Variants in KCNH7 observed in about 807,000 individuals in gnomAD.
The protein encoded by KCNH7 is voltage-gated inwardly rectifying potassium channel KCNH7.
KCNH7 carries 49 observed loss-of-function variants against 120.8 expected under a neutral mutation model. The observed-to-expected ratio is 0.41, with a 90% CI of 0.32 to 0.51. KCNH7 has a LOEUF of 0.51. Ranked by LOEUF, KCNH7 falls within the 20% of genes least tolerant of loss-of-function variation. The probability of loss-of-function intolerance (pLI) is 0.38; values close to 1 mark genes in which losing one functional copy is unlikely to be tolerated. For synonymous variants in KCNH7, 547 were observed against 516.1 expected (o/e 1.06, Z -0.81); for missense variants, 1,097 against 1,446.6 (o/e 0.76, Z 3.92).
At chr2:162,536,618 T>A (rs936870230) in intron 3 of KCNH7, among the ~76,000 whole-genome samples, 1 of 151,828 alleles carries the variant, frequency 6.6e-6, no homozygotes, top group Non-Finnish European at 1.5e-5. Context: ...CATATGAAAA[T>A]ACATAAGCAG....
intron 2 of KCNH7, among the ~76,000 whole-genome samples, chr2:162,593,383 G>T (rs1694277109): frequency 6.6e-6 from 1 of 152,086 alleles, no homozygotes; most frequent in Non-Finnish European, 1.5e-5. Context: ...CTCTTGAAGA[G>T]TAGGGATATT....
At chr2:162,812,696 G>A (rs568757146) in intron 2 of KCNH7, among the ~76,000 whole-genome samples, 5 of 152,232 alleles carry the variant, frequency 3.3e-5, no homozygotes, top group African/African-American at 1.2e-4. Flanking sequence ...TGAAGAAACA[G>A]TTCTACAGGT....
chr2:162,392,260 T>G (rs1298797372), intron 12 of KCNH7, among the ~76,000 whole-genome samples: 2 of 151,638 alleles, frequency 1.3e-5, no homozygotes, highest in Non-Finnish European at 2.9e-5. Flanking sequence ...ATGAAACTGG[T>G]GTGGTATGAA....
intron 2 of KCNH7, among the ~76,000 whole-genome samples, chr2:162,593,271 G>A (rs902484004): frequency 6.6e-6 from 1 of 152,040 alleles, no homozygotes; most frequent in Non-Finnish European, 1.5e-5. Flanking sequence ...AATTTGCTTT[G>A]CTTCAATCAA....
intron 2 of KCNH7, among the ~76,000 whole-genome samples, chr2:162,551,430 A>G (rs1692663468): frequency 6.6e-6 from 1 of 152,158 alleles, no homozygotes; most frequent in Admixed American, 6.5e-5. Context: ...GAATTGGAAA[A>G]CCTAGCAAGA....
intron 9 of KCNH7, among the ~76,000 whole-genome samples, chr2:162,418,083 G>T (rs1340823034): frequency 6.6e-6 from 1 of 152,130 alleles, no homozygotes; most frequent in Non-Finnish European, 1.5e-5. Flanking sequence ...CCCAGTTTCT[G>T]CAGAGCCAGG....
chr2:162,724,586 G>A (rs1444332679), intron 2 of KCNH7, among the ~76,000 whole-genome samples: 1 of 149,486 alleles, frequency 6.7e-6, no homozygotes, highest in Non-Finnish European at 1.5e-5. Context: ...GCAGGAGAAT[G>A]GCGTGAACCC....
intron 2 of KCNH7, among the ~76,000 whole-genome samples, chr2:162,758,473 T>C (rs550131963): frequency 1.9e-4 from 29 of 152,146 alleles, no homozygotes; most frequent in African/African-American, 6.3e-4. Context: ...CACACATATA[T>C]ATACACACAC....
chr2:162,834,316 G>A (rs1452272682), intron 2 of KCNH7, among the ~76,000 whole-genome samples: 4 of 151,606 alleles, frequency 2.6e-5, no homozygotes, highest in African/African-American at 9.7e-5. Context: ...TGTTTAAAAA[G>A]GTCATTCAAA....
intron 2 of KCNH7, chr2:162,796,825 T>C (rs1298972497): frequency 6.6e-6 from 1 of 152,062 alleles, no homozygotes; most frequent in African/African-American, 2.4e-5. Context: ...TTTAAGAACC[T>C]GTTTTTGGTT....
intron 6 of KCNH7, among the ~76,000 whole-genome samples, chr2:162,453,363 T>G (rs563565572): frequency 1.3e-5 from 2 of 152,328 alleles, no homozygotes; most frequent in East Asian, 3.9e-4. Flanking sequence ...CAGTCTATCA[T>G]TGATGGGCAT....
intron 8 of KCNH7, 63 bp downstream of exon 8, chr2:162,435,135 T>C (rs1481349806): frequency 7.1e-7 from 1 of 1,417,492 alleles, no homozygotes; most frequent in Non-Finnish European, 9.6e-7. Flanking sequence ...CTAAATATTG[T>C]AGAAATATTA....
intron 13 of KCNH7, among the ~76,000 whole-genome samples, chr2:162,383,964 C>G (rs1453514204): frequency 2.0e-5 from 3 of 151,778 alleles, no homozygotes; most frequent in Non-Finnish European, 4.4e-5. Flanking sequence ...GGAACCCAAG[C>G]AGTCGTTACT....
chr2:162,470,232 GC>G (rs1447749005), intron 6 of KCNH7, among the ~76,000 whole-genome samples: 3 of 151,266 alleles, frequency 2.0e-5, no homozygotes, highest in Non-Finnish European at 2.9e-5. Flanking sequence ...GAGCCTCTCT[GC>G]CCGGCCGCCA....
intron 6 of KCNH7, among the ~76,000 whole-genome samples, chr2:162,503,516 A>T (rs1690760629): frequency 6.6e-6 from 1 of 152,066 alleles, no homozygotes. Flanking sequence ...AGGTTTATTT[A>T]TAACTTGCTC....
chr2:162,498,285 C>T (rs1006318298), intron 6 of KCNH7, among the ~76,000 whole-genome samples: 4 of 151,598 alleles, frequency 2.6e-5, no homozygotes, highest in African/African-American at 9.7e-5. Flanking sequence ...GAAATGTAAA[C>T]TATTGTTACT....
intron 7 of KCNH7, among the ~76,000 whole-genome samples, chr2:162,439,141 C>G (rs187120776): frequency 6.6e-6 from 1 of 151,964 alleles, no homozygotes. Context: ...ATGGAAATCC[C>G]AATTTTTTGA....
intron 2 of KCNH7, among the ~76,000 whole-genome samples, chr2:162,555,639 T>A (rs879745277): frequency 6.6e-6 from 1 of 152,056 alleles, no homozygotes; most frequent in Non-Finnish European, 1.5e-5. Flanking sequence ...CACTCAAGAG[T>A]TTTTTTGAAC....
chr2:162,532,611 G>A (rs1261830330), intron 3 of KCNH7, among the ~76,000 whole-genome samples: 1 of 151,890 alleles, frequency 6.6e-6, no homozygotes, highest in Non-Finnish European at 1.5e-5. Context: ...TGTTAAACAC[G>A]AGAGAACTCT....
Sources: allele counts gnomAD v4.1 joint callset (sites outside exome capture counted in the v4.1 genomes callset), GRCh38; gene constraint gnomAD v4.1.1; transcripts MANE v1.5; gene names NCBI Gene and HGNC (gene_info 2026-07-23, HGNC 2026-07-21).